CELSR2: variants seen among roughly 807,000 people sequenced by gnomAD.
CELSR2 encodes the protein cadherin EGF LAG seven-pass G-type receptor 2, also known as EGF-like protein 2.
A neutral mutation model predicts 251.6 loss-of-function variants in CELSR2; 81 were observed. The observed-to-expected ratio is 0.32, with a 90% CI of 0.27 to 0.39. The LOEUF (loss-of-function observed/expected upper bound fraction) is 0.39, where lower values mean the gene tolerates loss of function less well. CELSR2 is among the 10% of genes least tolerant of loss of function. The pLI is 1.00. For missense variants in CELSR2, 3,365 were observed against 3,947.7 expected (o/e 0.85, Z 3.96); for synonymous variants, 1,721 against 1,670.5 (o/e 1.03, Z -0.74).
Position 109,264,628 on chromosome 1 carries a change from G to A in CELSR2, c.5464G>A (p.Gly1822Ser), listed in dbSNP as rs1229492859. The A allele has an allele frequency of 6.2e-7, 1 of 1,609,540 alleles. No individual in the cohort carries two copies. Among genetic ancestry groups the A allele is most frequent in the Admixed American group, 1.7e-5 (1 of 59,964 alleles). The change falls in exon 11 of 34, where the codon GGT becomes AGT. Residue 1822 changes from glycine (G) to serine (S), a missense_variant and splice_region_variant. Gly to Ser is a moderately conservative substitution (Grantham distance 56, BLOSUM62 0). Transcript: ENST00000271332. ...WDSYSCSCDPGYYGDNCTNVC... is the reference protein window; with the variant it reads ...WDSYSCSCDPSYYGDNCTNVC... ...CAGCTATTCCTGCAGCTGTGATCCA[G>A]GTATGCTAAGGATCCAGGGCAACGG...
chr1:109,264,105 G>A lies in CELSR2; in HGVS notation c.5029G>A (p.Val1677Met), dbSNP rs764572183. 1.4e-5 allele frequency: 23 copies of A among 1,591,488 alleles called. No individual in the cohort carries two copies. The highest frequency in any genetic ancestry group is 2.7e-5 in the African/African-American group (2 of 74,626). Residue 1677 changes from valine to methionine, a missense_variant, in exon 10 of 34, where the codon GTG (valine) becomes ATG (methionine). Coordinates refer to ENST00000271332, the MANE Select transcript of CELSR2 (RefSeq NM_001408.3). ...QLREGHVMLSVEGTGLQASSL... is the reference protein window; with the variant it reads ...QLREGHVMLSMEGTGLQASSL... The stretch of plus-strand genomic sequence containing the variant: ...ACGAGAGGGCCACGTGATGCTGAGC[G>A]TGGAGGGCACAGGGCTTCAGGCCTC...
Position 109,264,752 on chromosome 1 carries a change from C to T in CELSR2, c.5465-116C>T. 2.5e-6 allele frequency: 4 copies of T among 1,584,510 alleles called. No homozygotes were observed. In the South Asian group the frequency reaches 4.6e-5, roughly 18 times the overall value. ...CTCTGAGTCTTAGTTGCCTACACAA[C>T]AAAGCCATAGCCAGCTGATAGGATG... On this transcript the variant is annotated intron_variant, in intron 11 of 33. Coordinates refer to ENST00000271332, the MANE Select transcript of CELSR2 (RefSeq NM_001408.3).
chr1:109,259,043 G>C lies in CELSR2; in HGVS notation c.3922G>C (p.Gly1308Arg). 6.3e-7 allele frequency: 1 copy of C among 1,595,538 alleles called. No individual in the cohort carries two copies. Among genetic ancestry groups the C allele is most frequent in the Non-Finnish European group, 8.5e-7 (1 of 1,176,064 alleles). Residue 1308 changes from glycine (G) to arginine (R), a missense_variant, in exon 2 of 34, where the codon GGC becomes CGC. By Grantham distance (125) the Gly-to-Arg change is moderately radical (BLOSUM62 -2). Coordinates refer to ENST00000271332, the MANE Select transcript of CELSR2 (RefSeq NM_001408.3). ...GPHGRCRSRE[G>R]GYTCLCRDGY... ...CCACGGGCGCTGCCGCAGCCGCGAGGGCGGCTACACCTGCCTCTGTCGTGA... is the reference window on the plus strand; with the variant it reads ...CCACGGGCGCTGCCGCAGCCGCGAGCGCGGCTACACCTGCCTCTGTCGTGA...
At position 109,269,417 on chromosome 1, in the gene CELSR2, A is replaced by G. The variant is rs1278158946; in HGVS notation, c.6813-7A>G. The G allele has an allele frequency of 6.2e-7, 1 of 1,613,172 alleles. No homozygotes were observed. Among genetic ancestry groups the G allele is most frequent in the Non-Finnish European group, 8.5e-7 (1 of 1,179,584 alleles). On this transcript the variant is annotated splice_polypyrimidine_tract_variant and splice_region_variant and intron_variant, in intron 20 of 33. Transcript: ENST00000271332. The surrounding 1 kb of genome is among the most constrained non-coding windows in gnomAD (Gnocchi z 6.4). ...TGGTGACTGTGCACCTGACTGCCCC[A>G]CATCAGAGTCCCCAAACGCCCGATC... is the stretch of plus-strand genomic sequence containing the variant.
rs751804502 is a variant in CELSR2 at position 109,269,602 on chromosome 1, A to G, written c.6980+11A>G. 33 of 1,613,794 alleles carry G rather than the reference A, an allele frequency of 2.0e-5. No individual in the cohort carries two copies. Among genetic ancestry groups the G allele is most frequent in the Admixed American group, 6.7e-5 (4 of 59,996 alleles). The stretch of plus-strand genomic sequence containing the variant: ...GAACCATTCAATCCTGTGAGCCTGC[A>G]CTGCCCTCGCCCCCTCAGGCTTCGG... On this transcript the variant is annotated intron_variant, in intron 21 of 33. Coordinates refer to ENST00000271332, the MANE Select transcript of CELSR2 (RefSeq NM_001408.3). The surrounding 1 kb of genome is among the most constrained non-coding windows in gnomAD (Gnocchi z 6.4).
At position 109,250,037 on chromosome 1, in the gene CELSR2, C is replaced by CGCCGCCGCCGTTGACCCG. The variant is rs1553179277; in HGVS notation, c.-35_-18dup. ...GGCCGGCAGGAGCCGGAGGAGGAGCCGCCGCCGCCGTTGACCCGGCCGCCG... is the reference window on the plus strand; with the variant it reads ...GGCCGGCAGGAGCCGGAGGAGGAGCCGCCGCCGCCGTTGACCCGGCCGCCGCCGTTGACCCGGCCGCCG... On this transcript the variant is annotated 5_prime_UTR_variant, in exon 1 of 34. Transcript: ENST00000271332. The surrounding 1 kb of genome is among the most constrained non-coding windows in gnomAD (Gnocchi z 4.4). The CGCCGCCGCCGTTGACCCG allele has an allele frequency of 4.7e-6, 6 of 1,289,016 alleles. No homozygotes were observed. In the East Asian group the frequency reaches 9.4e-5, roughly 20 times the overall value. The allele number at this position is 1,289,016 out of a possible 1,614,324, so 79.8% of individuals were successfully genotyped here.
rs1656095026 is a variant in CELSR2, at chr1:109,263,675, C to T, written c.4899C>T (p.Pro1633=). 6.2e-7 allele frequency: 1 copy of T among 1,613,908 alleles called. No homozygotes were observed. Among genetic ancestry groups the T allele is most frequent in the Non-Finnish European group, 8.5e-7 (1 of 1,179,996 alleles). The part of the protein sequence containing the change: ...SLVAWHGLSL[P]ISQPWYLSLM... ...TGGCCTGGCATGGCCTCTCGCTGCC[C>T]ATCTCCCAACCCTGGTACCTCAGCC... Residue 1633 remains proline (P), a synonymous_variant, in exon 9 of 34, where the codon CCC becomes CCT. Coordinates refer to ENST00000271332, the MANE Select transcript of CELSR2 (RefSeq NM_001408.3).
Position 109,258,982 on chromosome 1 carries a change from C to G in CELSR2, c.3861C>G (p.Thr1287=). 3 of 1,609,114 alleles carry G rather than the reference C, an allele frequency of 1.9e-6. No homozygotes were observed. Among genetic ancestry groups the G allele is most frequent in the South Asian group, 2.2e-5 (2 of 90,994 alleles). ...PPGFTGDYCE[T]EVDLCYSRPC... ...GCTTCACGGGTGACTACTGCGAGAC[C>G]GAGGTGGACCTCTGCTACTCGCGGC... The change falls in exon 2 of 34, where the codon ACC becomes ACG. Residue 1287 remains threonine, a synonymous_variant. Transcript: ENST00000271332.
chr1:109,265,019 C>A lies in CELSR2; in HGVS notation c.5606+10C>A. The A allele has an allele frequency of 6.2e-7, 1 of 1,614,150 alleles. No homozygotes were observed. Among genetic ancestry groups the A allele is most frequent in the Non-Finnish European group, 8.5e-7 (1 of 1,179,996 alleles). ...CATACTGTGAGACCAGGTAAGCAGACCAGGGCATGTGGCAGCAGGTCCCAG... is the reference window on the plus strand; with the variant it reads ...CATACTGTGAGACCAGGTAAGCAGAACAGGGCATGTGGCAGCAGGTCCCAG... On this transcript the variant is annotated intron_variant, in intron 12 of 33. Coordinates refer to ENST00000271332, the MANE Select transcript of CELSR2 (RefSeq NM_001408.3).
Position 109,251,635 on chromosome 1 carries a change from C to T in CELSR2, c.1556C>T (p.Pro519Leu), listed in dbSNP as rs1269016722. The T allele has an allele frequency of 1.2e-6, 2 of 1,613,848 alleles. No individual in the cohort carries two copies. Among genetic ancestry groups the T allele is most frequent in the South Asian group, 2.2e-5 (2 of 91,058 alleles). ...PFQATVLESV[P>L]LGYLVLHVQA... Reference sequence around the variant, plus strand: ...CAGGCTACTGTCCTGGAGAGTGTCCCCTTAGGCTACCTGGTTCTCCATGTC... The same window carrying T: ...CAGGCTACTGTCCTGGAGAGTGTCCTCTTAGGCTACCTGGTTCTCCATGTC... The change falls in exon 1 of 34, where the codon CCC becomes CTC. Residue 519 changes from proline to leucine, a missense_variant. This residue lies in a region of CELSR2 where 704 missense variants were observed against 784.1 expected (regional missense o/e 0.90). Coordinates refer to ENST00000271332, the MANE Select transcript of CELSR2 (RefSeq NM_001408.3). The surrounding 1 kb of genome is among the most constrained non-coding windows in gnomAD (Gnocchi z 4.9).
At chr1:109,262,726 C>G (rs1027994580) in intron 6 of CELSR2, 80 bp from the exon 7 acceptor site, 10 of 1,570,676 alleles carry the variant, frequency 6.4e-6, no homozygotes, top group Middle Eastern at 2.3e-4. Flanking sequence ...CCGTTCGTGT[C>G]TCTGGCCTGG....
Position 109,252,941 on chromosome 1 carries a change from C to T in CELSR2, c.2862C>T (p.Ala954=). 6.2e-7 allele frequency: 1 copy of T among 1,612,648 alleles called. No individual in the cohort carries two copies. The highest frequency in any genetic ancestry group is 8.5e-7 in the Non-Finnish European group (1 of 1,179,240). ...CTGACCCCGATGAAGGCACCAATGC[C>T]CAGATTATGTACCAGATTGTGGAGG... ...TATDPDEGTN[A]QIMYQIVEGN... is the part of the protein sequence containing the mutation. Residue 954 remains alanine (A), a synonymous_variant, in exon 1 of 34, where the codon GCC becomes GCT. Coordinates refer to ENST00000271332, the MANE Select transcript of CELSR2 (RefSeq NM_001408.3). The surrounding 1 kb of genome is among the most constrained non-coding windows in gnomAD (Gnocchi z 4.8).
Position 109,249,786 on chromosome 1 carries a change from C to A in CELSR2, c.-294C>A, listed in dbSNP as rs932590172. Among the ~76,000 whole-genome samples, 3 of 149,896 alleles carry A rather than the reference C, an allele frequency of 2.0e-5. No individual in the cohort carries two copies. The highest frequency in any genetic ancestry group is 7.3e-5 in the African/African-American group (3 of 41,270). On this transcript the variant is annotated 5_prime_UTR_variant, in exon 1 of 34. Transcript: ENST00000271332. ...CGGCAAGGCCAGGGGCGCCGCGGGG[C>A]CCCCGGGCGCAGGTGGTGAGTGCCC...
At chr1:109,254,057 C>T (rs994946991) in intron 1 of CELSR2, among the ~76,000 whole-genome samples, 1 of 152,192 alleles carries the variant, frequency 6.6e-6, no homozygotes, top group Non-Finnish European at 1.5e-5. Flanking sequence ...TCCAAACAGA[C>T]CCCACTTTCA....
In CELSR2 at chr1:109,261,957, C is replaced by A. The variant is rs1261858505; in HGVS notation, c.4386+61C>A. ...TTCTTGCCTCAGGTGCTTACCCAGC[C>A]CTGAGTGGCATTGCCTCCAGGCTTG... On this transcript the variant is annotated intron_variant, in intron 5 of 33. Coordinates refer to ENST00000271332, the MANE Select transcript of CELSR2 (RefSeq NM_001408.3). The surrounding 1 kb of genome is among the most constrained non-coding windows in gnomAD (Gnocchi z 4.8). The A allele has an allele frequency of 5.3e-6, 8 of 1,496,474 alleles. No individual in the cohort carries two copies. The highest frequency in any genetic ancestry group is 9.1e-7 in the Non-Finnish European group (1 of 1,097,188). The allele number at this position is 1,496,474 out of a possible 1,614,324, so 92.7% of individuals were successfully genotyped here.
At chr1:109,273,057 G>C (rs1220214270) in intron 31 of CELSR2, 30 bp downstream of exon 31, 1 of 1,598,392 alleles carries the variant, frequency 6.3e-7, no homozygotes, top group South Asian at 1.1e-5. Flanking sequence ...GTGGCCTTTG[G>C]GGCCAGTGGG....
At position 109,270,476 on chromosome 1, in the gene CELSR2, C is replaced by T; in HGVS notation, c.7359C>T (p.Thr2453=). The T allele has an allele frequency of 1.9e-6, 3 of 1,614,228 alleles. No homozygotes were observed. The highest frequency in any genetic ancestry group is 2.5e-6 in the Non-Finnish European group (3 of 1,180,040). ...TGCTGCACTTCCTGTACCTCTGCAC[C>T]TTTTCCTGGGCTCTGCTGGAGGCCT... is the stretch of plus-strand genomic sequence containing the variant. The part of the protein sequence containing the change: ...AILLHFLYLC[T]FSWALLEALH... The change falls in exon 24 of 34, where the codon ACC becomes ACT. Residue 2453 remains threonine, a synonymous_variant. Coordinates refer to ENST00000271332, the MANE Select transcript of CELSR2 (RefSeq NM_001408.3).
chr1:109,252,412 A>G lies in CELSR2; in HGVS notation c.2333A>G (p.Gln778Arg), dbSNP rs1655720884. 6.2e-7 allele frequency: 1 copy of G among 1,613,366 alleles called. No individual in the cohort carries two copies. The highest frequency in any genetic ancestry group is 8.5e-7 in the Non-Finnish European group (1 of 1,180,016). ...TTQAELDYED[Q>R]VSYTLAITAR... is the part of the protein sequence containing the mutation. ...CAGGCTGAGCTGGACTATGAAGACC[A>G]AGTGTCTTACACCCTGGCCATTACT... The change falls in exon 1 of 34, where the codon CAA (glutamine) becomes CGA (arginine). Residue 778 changes from glutamine (Q) to arginine (R), a missense_variant. This residue lies in a region of CELSR2 where 505 missense variants were observed against 660.0 expected (regional missense o/e 0.77). Coordinates refer to ENST00000271332, the MANE Select transcript of CELSR2 (RefSeq NM_001408.3). The surrounding 1 kb of genome is among the most constrained non-coding windows in gnomAD (Gnocchi z 4.8).
At chr1:109,271,823 A>G (rs1656380463) in intron 28 of CELSR2, 101 bp downstream of exon 28, 2 of 1,413,818 alleles carry the variant, frequency 1.4e-6, no homozygotes, top group Admixed American at 2.1e-5. Flanking sequence ...TCTTTTCTCC[A>G]TCCCTTCCTG....
Sources: allele counts gnomAD v4.1 joint callset (sites outside exome capture counted in the v4.1 genomes callset), GRCh38; gene constraint gnomAD v4.1.1; regional missense constraint gnomAD v4.1.1; non-coding constraint Gnocchi (gnomAD v3.1); transcripts MANE v1.5; gene names NCBI Gene and HGNC (gene_info 2026-07-23, HGNC 2026-07-21).